The following ATXN10 variants were observed in gnomAD, a reference collection of about 807,000 sequenced individuals.
ATXN10 encodes the protein ataxin-10.
A neutral mutation model predicts 52.9 loss-of-function variants in ATXN10; 28 were observed. That is an observed-to-expected ratio of 0.53 (90% CI 0.39 to 0.73). ATXN10 has a LOEUF of 0.73. ATXN10 is among the 30% of genes least tolerant of loss of function. The pLI is 0.00. For missense variants in ATXN10, 565 were observed against 577.0 expected, an observed-to-expected ratio of 0.98 and a Z score of 0.21; for synonymous variants, 226 against 221.5, an observed-to-expected ratio of 1.02 and a Z score of -0.18.
chr22:45,751,740 G>GAAAAAAAAAAAAAAAAA (rs200364242), intron 9 of ATXN10, among the ~76,000 whole-genome samples: 3 of 45,468 alleles, frequency 6.6e-5, no homozygotes, highest in Non-Finnish European at 3.7e-5. Context: ...CCTTTTTCTG[G>GAAAAAAAAAAAAAAAAA]AAAAAAAAAA....
At chr22:45,748,304 C>A (rs566426140) in intron 9 of ATXN10, among the ~76,000 whole-genome samples, 1 of 152,304 alleles carries the variant, frequency 6.6e-6, no homozygotes, top group South Asian at 2.1e-4. Flanking sequence ...TCCAGTGTCT[C>A]CCCATTATAT....
intron 9 of ATXN10, 113 bp from the exon 10 acceptor site, chr22:45,806,846 T>C (rs1195830770): frequency 1.8e-5 from 15 of 818,828 alleles, no homozygotes; most frequent in Non-Finnish European, 3.1e-5. Context: ...CAGATAATAG[T>C]GCAAACAATA....
intron 10 of ATXN10, among the ~76,000 whole-genome samples, chr22:45,815,992 G>A (rs942121260): frequency 6.6e-6 from 1 of 152,144 alleles, no homozygotes; most frequent in Non-Finnish European, 1.5e-5. Context: ...GCTCCTGCCT[G>A]TAATCCTAGC....
In ATXN10 at chr22:45,759,858, G is replaced by A. The variant is rs1926318335; in HGVS notation, c.1173+19320G>A. Reference sequence around the variant, plus strand: ...AGCTAAACACAGATTTTTAATGAATGGCTGATAAGTTTTGACAGATGTCTG... The same window carrying A: ...AGCTAAACACAGATTTTTAATGAATAGCTGATAAGTTTTGACAGATGTCTG... On this transcript the variant is annotated intron_variant, in intron 9 of 11. Transcript: ENST00000252934. This position sits in a 1 kb window ranked among gnomAD's most constrained non-coding sequence, Gnocchi z 5.4. Among the ~76,000 whole-genome samples the A allele has an allele frequency of 6.6e-6, 1 of 152,126 alleles. No individual in the cohort carries two copies. The highest frequency in any genetic ancestry group is 1.5e-5 in the Non-Finnish European group (1 of 68,020).
At chr22:45,731,188 A>G (rs1250670866) in intron 7 of ATXN10, among the ~76,000 whole-genome samples, 4 of 152,234 alleles carry the variant, frequency 2.6e-5, no homozygotes, top group East Asian at 3.8e-4. Context: ...TTGTGATACA[A>G]CAGGGAAGAA....
rs917344516 is a variant in ATXN10 at position 45,705,567 on chromosome 22, G to A, written c.647+2720G>A. Among the ~76,000 whole-genome samples, 4 of 152,040 alleles carry A rather than the reference G, an allele frequency of 2.6e-5. No homozygotes were observed. Among genetic ancestry groups the A allele is most frequent in the African/African-American group, 9.7e-5 (4 of 41,406 alleles). On this transcript the variant is annotated intron_variant, in intron 5 of 11. Coordinates refer to ENST00000252934, the MANE Select transcript of ATXN10 (RefSeq NM_013236.4). The surrounding 1 kb of genome is among the most constrained non-coding windows in gnomAD (Gnocchi z 5.2). ...TCTGCCTCAGTCTCCTGAATAGCTG[G>A]GATTGCAGGTGCCCGCCACCACACC...
In ATXN10 at chr22:45,759,271, G is replaced by T. The variant is rs1272183742; in HGVS notation, c.1173+18733G>T. On this transcript the variant is annotated intron_variant, in intron 9 of 11. Transcript: ENST00000252934. The surrounding 1 kb of genome is among the most constrained non-coding windows in gnomAD (Gnocchi z 5.4). Reference sequence around the variant, plus strand: ...TCACACCTGTAATCCCAACACTTTGGGAGGCTGAGGTGGGCGGATCACCTG... The same window carrying T: ...TCACACCTGTAATCCCAACACTTTGTGAGGCTGAGGTGGGCGGATCACCTG... 6.6e-6 allele frequency among the ~76,000 whole-genome samples: 1 copy of T among 152,182 alleles called. No individual in the cohort carries two copies. Among genetic ancestry groups the T allele is most frequent in the Non-Finnish European group, 1.5e-5 (1 of 68,032 alleles).
At chr22:45,764,621 A>G (rs1926520054) in intron 9 of ATXN10, among the ~76,000 whole-genome samples, 2 of 152,170 alleles carry the variant, frequency 1.3e-5, no homozygotes, top group African/African-American at 4.8e-5. Context: ...CTTTTTTGGT[A>G]TCAAACCCTT....
In ATXN10 at chr22:45,843,798, G is replaced by C; in HGVS notation, c.*127G>C. 1.1e-6 allele frequency: 1 copy of C among 901,674 alleles called. No homozygotes were observed. The highest frequency in any genetic ancestry group is 1.8e-6 in the Non-Finnish European group (1 of 565,182). The allele number at this position is 901,674 out of a possible 1,614,324, so 55.9% of individuals were successfully genotyped here. On this transcript the variant is annotated 3_prime_UTR_variant, in exon 12 of 12. Transcript: ENST00000252934. This position sits in a 1 kb window ranked among gnomAD's most constrained non-coding sequence, Gnocchi z 4.5. Reference sequence around the variant, plus strand: ...AATTTGGGAACATACAAATCTTTTAGGTAGTAGAGTTTAACGTGTATAAGC... The same window carrying C: ...AATTTGGGAACATACAAATCTTTTACGTAGTAGAGTTTAACGTGTATAAGC...
chr22:45,723,914 T>C (rs1924762058), intron 6 of ATXN10, among the ~76,000 whole-genome samples: 1 of 150,960 alleles, frequency 6.6e-6, no homozygotes, highest in African/African-American at 2.4e-5. Flanking sequence ...ATCACACTAC[T>C]GCACTCCAGC....
intron 9 of ATXN10, among the ~76,000 whole-genome samples, chr22:45,756,669 G>A (rs1037142862): frequency 2.6e-5 from 4 of 152,136 alleles, no homozygotes; most frequent in Non-Finnish European, 5.9e-5. Context: ...CTGTGGGGTG[G>A]GGATGGGGGT....
intron 9 of ATXN10, among the ~76,000 whole-genome samples, chr22:45,792,175 C>T (rs951831250): frequency 2.6e-5 from 4 of 152,090 alleles, no homozygotes; most frequent in African/African-American, 9.7e-5. Context: ...CTACCCTTCT[C>T]ATAGAAATTA....
chr22:45,714,803 T>A (rs1924385909), intron 5 of ATXN10, among the ~76,000 whole-genome samples: 1 of 152,252 alleles, frequency 6.6e-6, no homozygotes, highest in Admixed American at 6.5e-5. Flanking sequence ...TACCAAGGCT[T>A]TCTTCTAGTA....
chr22:45,791,789 C>G (rs544138844), intron 9 of ATXN10, among the ~76,000 whole-genome samples: 5 of 152,114 alleles, frequency 3.3e-5, no homozygotes, highest in African/African-American at 1.2e-4. Context: ...GTCATACTAG[C>G]CTTGTAAAAT....
chr22:45,710,690 C>T (rs1167642435), intron 5 of ATXN10, among the ~76,000 whole-genome samples: 2 of 152,176 alleles, frequency 1.3e-5, no homozygotes, highest in African/African-American at 4.8e-5. Context: ...TATTGGAACA[C>T]AGCCAAGCTT....
At chr22:45,674,478 T>G (rs1402982549) in intron 1 of ATXN10, 1 of 152,336 alleles carries the variant, frequency 6.6e-6, no homozygotes, top group Non-Finnish European at 1.5e-5. Context: ...CTCTTTGTCT[T>G]TGGACAAATT....
At position 45,672,144 on chromosome 22, in the gene ATXN10, C is replaced by A. The variant is rs1322103546; in HGVS notation, c.81C>A (p.Arg27=). ...CCATCCAAGACCTGGAGGCCCTGCG[C>A]GCGCTCACGGCGCTCTTCAAAGAGC... is the stretch of plus-strand genomic sequence containing the variant. The part of the protein sequence containing the change: ...PAPIQDLEAL[R]ALTALFKEQR... The change falls in exon 1 of 12, where the codon CGC becomes CGA. Residue 27 remains arginine, a synonymous_variant. Coordinates refer to ENST00000252934, the MANE Select transcript of ATXN10 (RefSeq NM_013236.4). 2.6e-6 allele frequency: 4 copies of A among 1,539,804 alleles called. No homozygotes were observed. The highest frequency in any genetic ancestry group is 3.5e-6 in the Non-Finnish European group (4 of 1,145,330).
chr22:45,842,516 A>T lies in ATXN10; in HGVS notation c.1238-475A>T, dbSNP rs528163998. Reference sequence around the variant, plus strand: ...TATTTCTAACTGGGCTCCCATTAAAACAAGATGATTTTCCTGATTCTAACC... The same window carrying T: ...TATTTCTAACTGGGCTCCCATTAAATCAAGATGATTTTCCTGATTCTAACC... On this transcript the variant is annotated intron_variant, in intron 10 of 11. Coordinates refer to ENST00000252934, the MANE Select transcript of ATXN10 (RefSeq NM_013236.4). This position sits in a 1 kb window ranked among gnomAD's most constrained non-coding sequence, Gnocchi z 4.8. 6.6e-6 allele frequency among the ~76,000 whole-genome samples: 1 copy of T among 152,326 alleles called. No homozygotes were observed. The highest frequency in any genetic ancestry group is 1.9e-4 in the East Asian group (1 of 5,186).
intron 9 of ATXN10, among the ~76,000 whole-genome samples, chr22:45,778,741 A>C (rs145838015): frequency 6.6e-6 from 1 of 152,212 alleles, no homozygotes; most frequent in Admixed American, 6.5e-5. Context: ...GAGATTGACA[A>C]GATTGTTCTT....
Sources: gnomAD v4.1 joint callset for allele counts (sites outside exome capture counted in the v4.1 genomes callset) on GRCh38, gnomAD v4.1.1 for gene constraint, Gnocchi (gnomAD v3.1) non-coding constraint, MANE v1.5 for transcripts, NCBI Gene and HGNC (gene_info 2026-07-23, HGNC 2026-07-21) for gene names.